Variants in RYR2 observed in about 807,000 individuals in gnomAD.
RYR2 encodes the protein ryanodine receptor 2.
In RYR2, 227 loss-of-function variants were observed where a neutral mutation model predicts 601.1. The observed-to-expected ratio is 0.38, with a 90% CI of 0.34 to 0.42. RYR2 has a LOEUF of 0.42. RYR2 is among the 10% of genes least tolerant of loss of function. RYR2 has a pLI of 1.00. For missense variants in RYR2, 4,646 were observed against 6,156.5 expected, an observed-to-expected ratio of 0.75 and a Z score of 8.21; for synonymous variants, 2,223 against 2,175.1, an observed-to-expected ratio of 1.02 and a Z score of -0.61.
At chr1:237,308,270 T>C (rs531191840) in intron 2 of RYR2, among the ~76,000 whole-genome samples, 16 of 152,318 alleles carry the variant, frequency 1.1e-4, no homozygotes, top group East Asian at 5.8e-4. Context: ...TCACAAACCA[T>C]TGGAGCAGAA....
intron 2 of RYR2, among the ~76,000 whole-genome samples, chr1:237,302,547 T>C (rs765149364): frequency 6.6e-6 from 1 of 152,206 alleles, no homozygotes; most frequent in Non-Finnish European, 1.5e-5. Context: ...CCCTGAATTA[T>C]ACAGGATATT....
In RYR2 at chr1:237,711,853, GT is replaced by G; in HGVS notation, c.10323+19del. ...GATGTCAAAGGTATTACTATAAACTGTTTCACTGTTCTGGAAAATATCTGAA... is the reference window on the plus strand; with the variant it reads ...GATGTCAAAGGTATTACTATAAACTGTTCACTGTTCTGGAAAATATCTGAA... On this transcript the variant is annotated intron_variant, in intron 71 of 104. Transcript: ENST00000366574. 1 of 1,120,854 alleles carries G rather than the reference GT, an allele frequency of 8.9e-7. No homozygotes were observed. Among genetic ancestry groups the G allele is most frequent in the Non-Finnish European group, 1.3e-6 (1 of 744,426 alleles). The allele number at this position is 1,120,854 out of a possible 1,614,324, so 69.4% of individuals were successfully genotyped here. A position where few individuals can be genotyped will look rare whatever the true frequency, so the allele number is the denominator to read the frequency against.
chr1:237,152,476 T>G (rs1674828998), intron 1 of RYR2, among the ~76,000 whole-genome samples: 1 of 152,196 alleles, frequency 6.6e-6, no homozygotes, highest in Non-Finnish European at 1.5e-5. Context: ...ACCAACAGTG[T>G]AAAAGTGCTC....
intron 68 of RYR2, among the ~76,000 whole-genome samples, chr1:237,708,181 G>C (rs1007090522): frequency 6.6e-6 from 1 of 151,998 alleles, no homozygotes; most frequent in Non-Finnish European, 1.5e-5. Context: ...AATTCAGAAT[G>C]TTATATGTAT....
intron 25 of RYR2, among the ~76,000 whole-genome samples, chr1:237,536,858 C>G (rs1668693671): frequency 6.6e-6 from 1 of 151,102 alleles, no homozygotes; most frequent in Non-Finnish European, 1.5e-5. Flanking sequence ...TGCACTCCAG[C>G]CTGGGCGACA....
chr1:237,717,393 G>A (rs774272295), intron 72 of RYR2, 25 bp downstream of exon 72: 1 of 1,552,358 alleles, frequency 6.4e-7, no homozygotes, highest in Non-Finnish European at 8.7e-7. Flanking sequence ...CATCCCAGCG[G>A]TAATGATCAT....
rs570685475 is a variant in RYR2, at chr1:237,500,658, AT to A, written c.2204-51del. 5.3e-4 allele frequency: 778 copies of A among 1,477,512 alleles called. 9 individuals carry two copies. In the South Asian group the frequency reaches 0.01, roughly 20 times the overall value. The allele number at this position is 1,477,512 out of a possible 1,614,324, so 91.5% of individuals were successfully genotyped here. ...TCTTTTGACTTTGGCTCTGAAGCTG[AT>A]TCTCTGAGATAAAAAAATACATGAC... On this transcript the variant is annotated intron_variant, in intron 20 of 104. Transcript: ENST00000366574.
At chr1:237,730,004 C>T (rs1390760834) in intron 76 of RYR2, among the ~76,000 whole-genome samples, 2 of 152,098 alleles carry the variant, frequency 1.3e-5, no homozygotes, top group Admixed American at 6.6e-5. Context: ...AAGGAATAAA[C>T]TGAAATTTGG....
intron 80 of RYR2, among the ~76,000 whole-genome samples, chr1:237,746,984 T>C (rs960531144): frequency 1.8e-4 from 28 of 152,148 alleles, no homozygotes; most frequent in Non-Finnish European, 2.5e-4. Context: ...ATGATTTTAT[T>C]AAAAAAACTC....
chr1:237,485,801 A>G (rs557199344), intron 17 of RYR2, among the ~76,000 whole-genome samples: 2 of 152,314 alleles, frequency 1.3e-5, no homozygotes, highest in African/African-American at 4.8e-5. Context: ...CTGCAAAGGA[A>G]GGTTGCACTA....
intron 20 of RYR2, among the ~76,000 whole-genome samples, chr1:237,498,585 A>C (rs930648202): frequency 6.6e-6 from 1 of 152,152 alleles, no homozygotes; most frequent in Non-Finnish European, 1.5e-5. Flanking sequence ...AAAAAAAAAA[A>C]ACATTGATCG....
In RYR2 at chr1:237,255,619, A is replaced by G. The variant is rs1687879576; in HGVS notation, c.49-14878A>G. Among the ~76,000 whole-genome samples, 3 of 152,198 alleles carry G rather than the reference A, an allele frequency of 2.0e-5. No individual in the cohort carries two copies. In the South Asian group the frequency reaches 6.2e-4, roughly 31 times the overall value. On this transcript the variant is annotated intron_variant, in intron 1 of 104. Coordinates refer to ENST00000366574, the MANE Select transcript of RYR2 (RefSeq NM_001035.3). The stretch of plus-strand genomic sequence containing the variant: ...CACTACATATTAGATGACATTCATG[A>G]GGGCAGTTTCAATTTTTTTCACACA...
chr1:237,758,444 C>T (rs1415810632), intron 82 of RYR2, among the ~76,000 whole-genome samples: 2 of 152,122 alleles, frequency 1.3e-5, no homozygotes, highest in African/African-American at 4.8e-5. Flanking sequence ...AAAGTTATCA[C>T]ACCCCCCGTA....
chr1:237,773,954 C>T (rs1254865740), intron 87 of RYR2, among the ~76,000 whole-genome samples: 1 of 152,150 alleles, frequency 6.6e-6, no homozygotes, highest in African/African-American at 2.4e-5. Flanking sequence ...GCAGGCACAA[C>T]ATTTAACCAT....
At chr1:237,322,848 G>GTGT (rs10628419) in intron 2 of RYR2, among the ~76,000 whole-genome samples, 1 of 148,282 alleles carries the variant, frequency 6.7e-6, no homozygotes, top group African/African-American at 2.5e-5. Context: ...GTGTGTGTGT[G>GTGT]GTGTTAATTT....
At chr1:237,654,509 T>C in intron 52 of RYR2, 95 bp downstream of exon 52, 1 of 1,272,428 alleles carries the variant, frequency 7.9e-7, no homozygotes, top group Admixed American at 2.5e-5. Flanking sequence ...ATACTATCTT[T>C]GCTAACCAAG....
chr1:237,754,153 TG>T (rs1260022870), intron 80 of RYR2, among the ~76,000 whole-genome samples: 12 of 123,650 alleles, frequency 9.7e-5, no homozygotes, highest in Non-Finnish European at 1.9e-4. Context: ...TTTGGCTCAA[TG>T]TTTTTTTTTT....
chr1:237,117,749 T>TCTCTTCTCTG (rs1670294219), intron 1 of RYR2, among the ~76,000 whole-genome samples: 1 of 128,886 alleles, frequency 7.8e-6, no homozygotes. Flanking sequence ...TCTCTTCTCT[T>TCTCTTCTCTG]CTCTTCTCTG....
intron 11 of RYR2, among the ~76,000 whole-genome samples, chr1:237,422,305 T>G (rs543660778): frequency 1.7e-4 from 26 of 152,342 alleles, no homozygotes; most frequent in Middle Eastern, 3.4e-3. Flanking sequence ...ATACAGGTAA[T>G]GTATAGTGAT....
Sources: allele counts gnomAD v4.1 joint callset (sites outside exome capture counted in the v4.1 genomes callset), GRCh38; gene constraint gnomAD v4.1.1; transcripts MANE v1.5; gene names NCBI Gene and HGNC (gene_info 2026-07-23, HGNC 2026-07-21).